Variants in FCHO2 observed in about 807,000 individuals in gnomAD.
The protein encoded by FCHO2 is FCH and mu domain containing endocytic adaptor 2.
Under a neutral mutation model 114.1 loss-of-function variants are expected in FCHO2, and 43 were observed. The observed-to-expected ratio is 0.38, with a 90% CI of 0.30 to 0.49. The LOEUF (loss-of-function observed/expected upper bound fraction) is 0.49, where lower values mean the gene tolerates loss of function less well. Ranked by LOEUF, FCHO2 falls within the 20% of genes least tolerant of loss-of-function variation. FCHO2 has a pLI of 0.97. For synonymous variants in FCHO2, 293 were observed against 315.2 expected, an observed-to-expected ratio of 0.93 and a Z score of 0.75; for missense variants, 807 against 950.4, an observed-to-expected ratio of 0.85 and a Z score of 1.98.
chr5:73,079,933 A>G (rs918314849), intron 22 of FCHO2, among the ~76,000 whole-genome samples: 1 of 152,210 alleles, frequency 6.6e-6, no homozygotes, highest in African/African-American at 2.4e-5. Context: ...CATATTTATT[A>G]CATATTTTAA....
At chr5:73,048,839 G>C (rs1254451836) in intron 11 of FCHO2, among the ~76,000 whole-genome samples, 1 of 149,002 alleles carries the variant, frequency 6.7e-6, no homozygotes, top group Non-Finnish European at 1.5e-5. Flanking sequence ...TTCACTAACA[G>C]AGTATATTTT....
At position 73,078,294 on chromosome 5, in the gene FCHO2, A is replaced by G; in HGVS notation, c.1962A>G (p.Val654=). Residue 654 remains valine (V), a synonymous_variant, in exon 22 of 26, where the codon GTA becomes GTG. Transcript: ENST00000430046. ...ATCCAGCTGCTTCTTATTATAATGT[A>G]GATGTATTAAAGTATCAGGTGAGTG... The part of the protein sequence containing the change: ...EQNPAASYYN[V]DVLKYQVSSN... 6.2e-7 allele frequency: 1 copy of G among 1,602,100 alleles called. No individual in the cohort carries two copies. The highest frequency in any genetic ancestry group is 8.5e-7 in the Non-Finnish European group (1 of 1,174,812).
At chr5:72,984,052 T>C (rs933476468) in intron 2 of FCHO2, among the ~76,000 whole-genome samples, 2 of 152,184 alleles carry the variant, frequency 1.3e-5, no homozygotes, top group African/African-American at 4.8e-5. Context: ...ATTCTTGGTA[T>C]CGTCAGTTTT....
At position 72,968,544 on chromosome 5, in the gene FCHO2, A is replaced by T; in HGVS notation, c.80A>T (p.His27Leu). The change falls in exon 2 of 26, where the codon CAT becomes CTT. Residue 27 changes from histidine to leucine, a missense_variant. His to Leu is a moderately conservative substitution (Grantham distance 99). Coordinates refer to ENST00000430046, the MANE Select transcript of FCHO2 (RefSeq NM_138782.3). ...GATGTCCTCTACCATAATATGAAAC[A>T]TGGACAGATATCAACAAAAGAACTA... ...GFDVLYHNMK[H>L]GQISTKELAD... 6.5e-7 allele frequency: 1 copy of T among 1,549,472 alleles called. No individual in the cohort carries two copies. Among genetic ancestry groups the T allele is most frequent in the Non-Finnish European group, 8.6e-7 (1 of 1,156,316 alleles).
intron 6 of FCHO2, among the ~76,000 whole-genome samples, chr5:73,012,617 CAAAAAAAAAA>C (rs11358269): frequency 1.1e-5 from 1 of 92,520 alleles, no homozygotes; most frequent in East Asian, 3.0e-4. Context: ...GACTCCGTCT[CAAAAAAAAAA>C]AAAAAAAAAA....
chr5:72,956,968 C>G (rs1232754286), intron 1 of FCHO2, among the ~76,000 whole-genome samples: 1 of 151,866 alleles, frequency 6.6e-6, no homozygotes, highest in Non-Finnish European at 1.5e-5. Flanking sequence ...AGGTATCTTT[C>G]GTGAATCCCA....
intron 11 of FCHO2, among the ~76,000 whole-genome samples, 181 bp downstream of exon 11, chr5:73,041,496 A>G (rs1052027317): frequency 7.9e-5 from 12 of 152,110 alleles, no homozygotes; most frequent in Non-Finnish European, 2.9e-5. Context: ...ATGCTTTCCT[A>G]TTAAATAGAA....
intron 5 of FCHO2, among the ~76,000 whole-genome samples, chr5:72,992,127 G>C (rs1368339952): frequency 6.6e-6 from 1 of 152,098 alleles, no homozygotes; most frequent in Non-Finnish European, 1.5e-5. Context: ...AAAACTAGAA[G>C]AGAATGTGGA....
At chr5:72,986,920 C>T (rs540819617) in intron 2 of FCHO2, among the ~76,000 whole-genome samples, 1 of 149,626 alleles carries the variant, frequency 6.7e-6, no homozygotes, top group South Asian at 2.1e-4. Flanking sequence ...CACTCTGTCG[C>T]CCAGCTGGAG....
intron 24 of FCHO2, 43 bp from the exon 25 acceptor site, chr5:73,087,546 A>AT (rs1385579657): frequency 6.3e-7 from 1 of 1,597,914 alleles, no homozygotes; most frequent in African/African-American, 1.3e-5. Context: ...TTTGTTTGAA[A>AT]TGTATTTTAC....
At chr5:73,064,399 T>A (rs540992771) in intron 18 of FCHO2, among the ~76,000 whole-genome samples, 77 of 152,138 alleles carry the variant, frequency 5.1e-4, no homozygotes, top group African/African-American at 1.8e-3. Context: ...TAAAAGTACA[T>A]GCATGGGTGG....
intron 18 of FCHO2, among the ~76,000 whole-genome samples, chr5:73,064,439 A>G (rs776214531): frequency 2.1e-4 from 32 of 152,092 alleles, no homozygotes; most frequent in Non-Finnish European, 2.8e-4. Context: ...AAGTCATCAG[A>G]TAGAGAAAAT....
chr5:73,082,570 T>C (rs1352418010), intron 23 of FCHO2, among the ~76,000 whole-genome samples, 191 bp from the exon 24 acceptor site: 2 of 152,234 alleles, frequency 1.3e-5, no homozygotes, highest in Non-Finnish European at 2.9e-5. Context: ...TAAACTTCCA[T>C]TAATTGAAAA....
chr5:73,034,093 A>G (rs1282628640), intron 8 of FCHO2, among the ~76,000 whole-genome samples: 1 of 152,242 alleles, frequency 6.6e-6, no homozygotes, highest in Non-Finnish European at 1.5e-5. Flanking sequence ...TTATAATCCC[A>G]AGGTCACCAC....
chr5:73,015,798 C>A, intron 7 of FCHO2, 74 bp downstream of exon 7: 1 of 865,488 alleles, frequency 1.2e-6, no homozygotes, highest in East Asian at 2.9e-5. Flanking sequence ...AATATTTTCT[C>A]ACTCTGTTCA....
chr5:73,082,398 C>T (rs2112894643), intron 23 of FCHO2, among the ~76,000 whole-genome samples: 1 of 152,106 alleles, frequency 6.6e-6, no homozygotes, highest in Admixed American at 6.6e-5. Context: ...GCAACTTCTC[C>T]TGTCCCCTCT....
At chr5:73,018,244 C>G (rs1214244597) in intron 8 of FCHO2, among the ~76,000 whole-genome samples, 1 of 152,078 alleles carries the variant, frequency 6.6e-6, no homozygotes, top group African/African-American at 2.4e-5. Flanking sequence ...CTTACTGATT[C>G]AATTGTATTA....
At position 73,022,360 on chromosome 5, in the gene FCHO2, A is replaced by G. The variant is rs970702866; in HGVS notation, c.796+5052A>G. ...TTAAAATGTGTTCTGAATCAAGCCA[A>G]TTTTATTTTGATTTGCCATTTTTTT... On this transcript the variant is annotated intron_variant, in intron 8 of 25. Transcript: ENST00000430046. Among the ~76,000 whole-genome samples the G allele has an allele frequency of 9.9e-5, 15 of 152,106 alleles. No individual in the cohort carries two copies. In the East Asian group the frequency reaches 2.9e-3, roughly 29 times the overall value.
intron 1 of FCHO2, among the ~76,000 whole-genome samples, chr5:72,964,007 C>T (rs185088226): frequency 5.0e-4 from 67 of 135,176 alleles, no homozygotes; most frequent in African/African-American, 1.7e-3. Context: ...CCTTCTGTCT[C>T]TTTGTAGGCA....
Sources: allele counts gnomAD v4.1 joint callset (sites outside exome capture counted in the v4.1 genomes callset), GRCh38; gene constraint gnomAD v4.1.1; transcripts MANE v1.5; gene names NCBI Gene and HGNC (gene_info 2026-07-23, HGNC 2026-07-21).